B9D1: variants seen among roughly 807,000 people sequenced by gnomAD.
B9D1 encodes the protein B9 domain-containing protein 1.
Under a neutral mutation model 26.1 loss-of-function variants are expected in B9D1, and 20 were observed. The ratio of observed to expected loss-of-function variants is 0.77; its 90% CI spans 0.54 to 1.12. The LOEUF is 1.12. Among genes scored for constraint, B9D1 ranks in the 50% most tolerant of loss-of-function variants. B9D1 has a pLI of 0.00. For missense variants in B9D1, 260 were observed against 273.7 expected (o/e 0.95, Z 0.35); for synonymous variants, 105 against 103.1 (o/e 1.02, Z -0.11).
At chr17:19,362,843 C>T (rs1911324123), upstream of B9D1, 11 of 855,254 alleles carry the variant, frequency 1.3e-5, no homozygotes, top group Non-Finnish European at 1.9e-5. Context: ...GAGCGTTGAC[C>T]TGTCGGGTAA....
downstream of B9D1, among the ~76,000 whole-genome samples, chr17:19,337,291 C>T (rs1355078158): frequency 2.0e-5 from 3 of 152,184 alleles, no homozygotes; most frequent in Admixed American, 1.3e-4. Flanking sequence ...ACCAACCAGA[C>T]GAGGGCAGCG....
chr17:19,340,033 A>ACCCCCCC (rs56279237), downstream of B9D1, among the ~76,000 whole-genome samples: 4 of 110,592 alleles, frequency 3.6e-5, no homozygotes, highest in South Asian at 4.9e-4. Context: ...CACATGCCCA[A>ACCCCCCC]CCCCCCCCCC....
At chr17:19,346,549 A>G (rs1908821320) in intron 5 of B9D1, among the ~76,000 whole-genome samples, 1 of 152,210 alleles carries the variant, frequency 6.6e-6, no homozygotes, top group African/African-American at 2.4e-5. Flanking sequence ...TCCTCGAGTC[A>G]GAAGGCCAGG....
Position 19,343,298 on chromosome 17 carries a change from A to C in B9D1, c.*21T>G. 6.2e-7 allele frequency: 1 copy of C among 1,613,974 alleles called. No homozygotes were observed. Among genetic ancestry groups the C allele is most frequent in the South Asian group, 1.1e-5 (1 of 91,076 alleles). On this transcript the variant is annotated 3_prime_UTR_variant, in exon 7 of 7. Coordinates refer to ENST00000261499, the MANE Select transcript of B9D1 (RefSeq NM_015681.6). The stretch of plus-strand genomic sequence containing the variant: ...GGAAGGCAGCCCTTCATTATCAGAG[A>C]CTGTGCAGCCTGTGGAGCCTTCACT...
chr17:19,343,339 G>A lies in B9D1; in HGVS notation c.595C>T (p.Pro199Ser), dbSNP rs1015745292. 2 of 1,614,068 alleles carry A rather than the reference G, an allele frequency of 1.2e-6. No homozygotes were observed. Among genetic ancestry groups the A allele is most frequent in the African/African-American group, 2.7e-5 (2 of 74,932 alleles). Residue 199 changes from proline to serine, a missense_variant, in exon 7 of 7, where the codon CCC becomes TCC. Physicochemically the swap from Pro to Ser is moderately conservative, Grantham distance 74. Transcript: ENST00000261499. Reference protein sequence around the residue: ...DTQGVLGPSPPQSFPQ With the variant: ...DTQGVLGPSPSQSFPQ ...AGCCTTCACTGGGGGAAGCTCTGGGGTGGGCTGGGCCCCAACACACCCTGT... is the reference window on the plus strand; with the variant it reads ...AGCCTTCACTGGGGGAAGCTCTGGGATGGGCTGGGCCCCAACACACCCTGT...
upstream of B9D1, among the ~76,000 whole-genome samples, chr17:19,365,382 G>A (rs1229003531): frequency 6.6e-6 from 1 of 152,218 alleles, no homozygotes; most frequent in Non-Finnish European, 1.5e-5. This position sits in a 1 kb window ranked among gnomAD's most constrained non-coding sequence, Gnocchi z 5.0. Flanking sequence ...CCACCCTCCT[G>A]GAGCCCCTCT....
intron 3 of B9D1, among the ~76,000 whole-genome samples, chr17:19,349,954 A>G (rs1909366935): frequency 6.6e-6 from 1 of 152,128 alleles, no homozygotes; most frequent in Admixed American, 6.5e-5. Context: ...TTGTCCCAGC[A>G]CCATTTATTA....
At chr17:19,357,629 C>A (rs1444782417) in intron 3 of B9D1, 1 of 603,512 alleles carries the variant, frequency 1.7e-6, no homozygotes, top group South Asian at 1.8e-5. Flanking sequence ...AGGCCAGCTG[C>A]ACAGCCTGTA....
At chr17:19,356,006 G>A (rs1244882705) in intron 3 of B9D1, among the ~76,000 whole-genome samples, 1 of 152,016 alleles carries the variant, frequency 6.6e-6, no homozygotes, top group Non-Finnish European at 1.5e-5. Flanking sequence ...TGGTTCTTGT[G>A]TGCCTCATTA....
At chr17:19,368,233 G>A (rs1450885247) in intron 1 of B9D1, among the ~76,000 whole-genome samples, 1 of 152,208 alleles carries the variant, frequency 6.6e-6, no homozygotes, top group Admixed American at 6.5e-5. Context: ...CTTCATTAAT[G>A]AGAAGAGGGC....
chr17:19,346,423 C>T (rs1047121228), intron 5 of B9D1, among the ~76,000 whole-genome samples: 1 of 152,230 alleles, frequency 6.6e-6, no homozygotes, highest in Non-Finnish European at 1.5e-5. Flanking sequence ...TGGCCAGGCT[C>T]GCAGGGGCTG....
In B9D1 at chr17:19,347,056, A is replaced by T. The variant is rs781062462; in HGVS notation, c.404+213T>A. ...CAGACACAAAGATTTTTCACAGGGCACAGGGTAAAATCGCCCGGCCTTCTG... is the reference window on the plus strand; with the variant it reads ...CAGACACAAAGATTTTTCACAGGGCTCAGGGTAAAATCGCCCGGCCTTCTG... On this transcript the variant is annotated intron_variant, in intron 5 of 6. Coordinates refer to ENST00000261499, the MANE Select transcript of B9D1 (RefSeq NM_015681.6). The surrounding 1 kb of genome is among the most constrained non-coding windows in gnomAD (Gnocchi z 4.3). 39 of 1,549,796 alleles carry T rather than the reference A, an allele frequency of 2.5e-5. No homozygotes were observed. The South Asian group carries it at 4.6e-4, about 18-fold the overall frequency.
chr17:19,369,638 G>A (rs1911787748), intron 1 of B9D1, among the ~76,000 whole-genome samples: 1 of 152,200 alleles, frequency 6.6e-6, no homozygotes, highest in South Asian at 2.1e-4. Flanking sequence ...CGAGGAGCAG[G>A]CAGATGTGGT....
rs1004590671 is a variant in B9D1, at chr17:19,362,597, C to A, written c.-28G>T. On this transcript the variant is annotated 5_prime_UTR_variant, in exon 1 of 7. Transcript: ENST00000261499. Reference sequence around the variant, plus strand: ...CAGGTCTGGGGGTGCCGGGGGGACCCACCTAGGCCGCGCGCGGTTGCTAAG... The same window carrying A: ...CAGGTCTGGGGGTGCCGGGGGGACCAACCTAGGCCGCGCGCGGTTGCTAAG... 1 of 1,582,598 alleles carries A rather than the reference C, an allele frequency of 6.3e-7. No individual in the cohort carries two copies. Among genetic ancestry groups the A allele is most frequent in the Non-Finnish European group, 8.6e-7 (1 of 1,164,164 alleles).
chr17:19,373,648 C>G (rs1045240827), intron 1 of B9D1, among the ~76,000 whole-genome samples: 1 of 152,152 alleles, frequency 6.6e-6, no homozygotes, highest in Admixed American at 6.5e-5. Context: ...ATCCACCTGC[C>G]GCGGACTCCC....
At chr17:19,368,118 C>T (rs1288062137) in intron 1 of B9D1, among the ~76,000 whole-genome samples, 2 of 152,168 alleles carry the variant, frequency 1.3e-5, no homozygotes, top group Middle Eastern at 3.2e-3. Flanking sequence ...GGGTCTGAGG[C>T]AGAGCCCGAG....
chr17:19,377,701 G>T, intron 1 of B9D1: 1 of 307,294 alleles, frequency 3.3e-6, no homozygotes, highest in Non-Finnish European at 4.8e-6. Flanking sequence ...ATAAACTATC[G>T]GATTTTGGGG....
chr17:19,351,668 A>G (rs1348167020), intron 3 of B9D1, among the ~76,000 whole-genome samples: 1 of 152,200 alleles, frequency 6.6e-6, no homozygotes, highest in Non-Finnish European at 1.5e-5. Context: ...TCTTTGTGAG[A>G]ACATTTTTAA....
downstream of B9D1, among the ~76,000 whole-genome samples, chr17:19,340,037 C>A (rs993348495): frequency 2.8e-4 from 6 of 21,546 alleles, no homozygotes; most frequent in Non-Finnish European, 1.4e-3. Context: ...TGCCCAACCC[C>A]CCCCCCCCCC....
Sources: allele counts gnomAD v4.1 joint callset (sites outside exome capture counted in the v4.1 genomes callset), GRCh38; gene constraint gnomAD v4.1.1; non-coding constraint Gnocchi (gnomAD v3.1); transcripts MANE v1.5; gene names NCBI Gene and HGNC (gene_info 2026-07-23, HGNC 2026-07-21).